The following CDH17 variants were observed in gnomAD, a reference collection of about 807,000 sequenced individuals.
The protein encoded by CDH17 is cadherin-17.
CDH17 carries 67 observed loss-of-function variants against 86.3 expected under a neutral mutation model. That is an observed-to-expected ratio of 0.78 (90% CI 0.64 to 0.95). The LOEUF (loss-of-function observed/expected upper bound fraction) is 0.95. Among genes scored for constraint, CDH17 ranks in the 40% least tolerant of loss-of-function variants. The pLI is 0.00. For synonymous variants in CDH17, 367 were observed against 366.4 expected (o/e 1.00, Z -0.02); for missense variants, 993 against 1,017.6 (o/e 0.98, Z 0.33).
In CDH17 at chr8:94,194,636, A is replaced by T. The variant is rs201872715; in HGVS notation, c.50T>A (p.Leu17Ter). ...GAGAAGAACACCCTCTTCTCTTACC[A>T]AATAAAGCATAAGAAGACACAGGGA... ...LHSLCLLMLYLATGYGQEGKF... is the reference protein window; with the variant it reads ...LHSLCLLMLY The change falls in exon 2 of 18, where the codon TTG becomes TAG. Residue 17 changes from leucine (L) to a stop codon, truncating the protein, a stop_gained and splice_region_variant. Transcript: ENST00000027335. LOFTEE classifies it high-confidence loss of function. 6.3e-7 allele frequency: 1 copy of T among 1,597,628 alleles called. No individual in the cohort carries two copies. The highest frequency in any genetic ancestry group is 1.7e-5 in the Admixed American group (1 of 59,258).
chr8:94,188,087 G>C (rs998984723), intron 3 of CDH17, among the ~76,000 whole-genome samples: 2 of 152,102 alleles, frequency 1.3e-5, no homozygotes, highest in African/African-American at 4.8e-5. Context: ...CTTGGCATTG[G>C]TGGGGGCTCA....
chr8:94,158,933 A>C (rs946179950), intron 12 of CDH17, among the ~76,000 whole-genome samples: 7 of 152,152 alleles, frequency 4.6e-5, no homozygotes, highest in African/African-American at 1.7e-4. Context: ...ATTCTGGCTC[A>C]AAACTGTACT....
upstream of CDH17, among the ~76,000 whole-genome samples, chr8:94,211,592 C>T (rs191408322): frequency 0.01 from 1,544 of 152,300 alleles, 24 homozygotes; most frequent in African/African-American, 0.035. Flanking sequence ...GGATTACAGG[C>T]ATGAGCCACT....
chr8:94,166,407 C>T (rs1813158500), intron 9 of CDH17, among the ~76,000 whole-genome samples: 1 of 152,180 alleles, frequency 6.6e-6, no homozygotes, highest in African/African-American at 2.4e-5. Context: ...ACTGTAAGGA[C>T]ATTTTACTTT....
chr8:94,150,065 T>C (rs998920045), intron 13 of CDH17, among the ~76,000 whole-genome samples: 1 of 152,224 alleles, frequency 6.6e-6, no homozygotes, highest in African/African-American at 2.4e-5. Context: ...AAGAGAATCA[T>C]TAAAAAAGTA....
At chr8:94,202,089 C>T (rs1025760290) in intron 1 of CDH17, 1 of 160,648 alleles carries the variant, frequency 6.2e-6, no homozygotes, top group Non-Finnish European at 1.4e-5. Context: ...AAAGATCTCA[C>T]CCTCCTACTG....
At chr8:94,150,289 C>T (rs1453864468) in intron 13 of CDH17, among the ~76,000 whole-genome samples, 1 of 152,068 alleles carries the variant, frequency 6.6e-6, no homozygotes, top group Non-Finnish European at 1.5e-5. Context: ...TGAGTAGATT[C>T]AGAGTGGGGT....
chr8:94,159,219 AG>A (rs1218882332), intron 12 of CDH17, among the ~76,000 whole-genome samples: 1 of 152,090 alleles, frequency 6.6e-6, no homozygotes, highest in Non-Finnish European at 1.5e-5. Context: ...AGATTGAGGG[AG>A]GGTTGGGAGA....
intron 1 of CDH17, among the ~76,000 whole-genome samples, chr8:94,216,197 A>G (rs571880392): frequency 6.6e-6 from 1 of 152,316 alleles, no homozygotes; most frequent in African/African-American, 2.4e-5. Flanking sequence ...GGTCTCAGGA[A>G]CAATCCAGGA....
At position 94,161,485 on chromosome 8, in the gene CDH17, G is replaced by A. The variant is rs147629028; in HGVS notation, c.1359+601C>T. 7.4e-3 allele frequency among the ~76,000 whole-genome samples: 1,131 copies of A among 152,272 alleles called. 14 individuals are homozygous for A. Among genetic ancestry groups the A allele is most frequent in the Non-Finnish European group, 0.011 (718 of 68,024 alleles). ...CCCTCCTTAGGGAAACAATGATAAA[G>A]TCATCACCAAGTCTGAACGCCCTAT... On this transcript the variant is annotated intron_variant, in intron 11 of 17. Coordinates refer to ENST00000027335, the MANE Select transcript of CDH17 (RefSeq NM_004063.4).
At chr8:94,200,532 CTTTTGTTTTT>C (rs1373057988) in intron 1 of CDH17, among the ~76,000 whole-genome samples, 1,351 of 50,200 alleles carry the variant, frequency 0.027, 85 homozygotes, top group African/African-American at 0.099. Context: ...TTATTATTAT[CTTTTGTTTTT>C]TTTTTTTTTT....
At chr8:94,134,292 T>A (rs1195864381) in intron 15 of CDH17, among the ~76,000 whole-genome samples, 1 of 152,216 alleles carries the variant, frequency 6.6e-6, no homozygotes, top group Admixed American at 6.5e-5. Context: ...CCTGGACTTT[T>A]TTTTGTTGGT....
chr8:94,168,433 G>A (rs1229077475), intron 9 of CDH17, among the ~76,000 whole-genome samples: 2 of 151,288 alleles, frequency 1.3e-5, no homozygotes, highest in East Asian at 3.9e-4. Flanking sequence ...ATGAGCCACT[G>A]CACCTGGCCT....
chr8:94,167,963 G>T lies in CDH17; in HGVS notation c.1067-1987C>A, dbSNP rs76092510. On this transcript the variant is annotated intron_variant, in intron 9 of 17. Coordinates refer to ENST00000027335, the MANE Select transcript of CDH17 (RefSeq NM_004063.4). ...ATATTTAGGGAGGTGGGGTTTTTAT[G>T]AGAGTCTAAATTTTCTGTATGAATA... 2.8e-3 allele frequency among the ~76,000 whole-genome samples: 424 copies of T among 151,328 alleles called. 3 individuals carry two copies. The highest frequency in any genetic ancestry group is 9.7e-3 in the African/African-American group (398 of 41,110).
At chr8:94,205,403 TA>T (rs563583727) in intron 1 of CDH17, among the ~76,000 whole-genome samples, 104 of 152,222 alleles carry the variant, frequency 6.8e-4, no homozygotes, top group African/African-American at 2.4e-3. Flanking sequence ...GAAGTAAATC[TA>T]AATTAGGTTC....
In CDH17 at chr8:94,170,889, C is replaced by T. The variant is rs759580959; in HGVS notation, c.880G>A (p.Val294Met). The T allele has an allele frequency of 3.7e-5, 59 of 1,613,708 alleles. 2 individuals are homozygous for T. The South Asian group carries it at 3.8e-4, about 11-fold the overall frequency. The change falls in exon 8 of 18, where the codon GTG becomes ATG. Residue 294 changes from valine to methionine, a missense_variant. Val to Met is a conservative substitution (Grantham distance 21). Transcript: ENST00000027335. Reference sequence around the variant, plus strand: ...TCTTCTCGGTCCAAGGGCTGAGTCACGTAAATATCTCCTTCCTGGTCAATT... The same window carrying T: ...TCTTCTCGGTCCAAGGGCTGAGTCATGTAAATATCTCCTTCCTGGTCAATT... ...FSIDQEGDIY[V>M]TQPLDREEKD... is the part of the protein sequence containing the mutation.
At chr8:94,209,921 GTT>G (rs34920175), upstream of CDH17, among the ~76,000 whole-genome samples, 39 of 148,840 alleles carry the variant, frequency 2.6e-4, no homozygotes, top group South Asian at 1.3e-3. Context: ...AAATTTATGA[GTT>G]TTTTTTTTTC....
intron 17 of CDH17, among the ~76,000 whole-genome samples, chr8:94,129,621 A>T (rs960273852): frequency 5.9e-5 from 9 of 152,212 alleles, no homozygotes; most frequent in African/African-American, 2.2e-4. Context: ...TACACATGAA[A>T]TAATGAAGTA....
chr8:94,146,504 G>A (rs889767340), intron 14 of CDH17, among the ~76,000 whole-genome samples: 5 of 152,216 alleles, frequency 3.3e-5, no homozygotes, highest in East Asian at 1.9e-4. Context: ...TCTTTAGCAG[G>A]CCTTAGGCAT....
Sources: gnomAD v4.1 joint callset for allele counts (sites outside exome capture counted in the v4.1 genomes callset) on GRCh38, gnomAD v4.1.1 for gene constraint, MANE v1.5 for transcripts, NCBI Gene and HGNC (gene_info 2026-07-23, HGNC 2026-07-21) for gene names.